VSTM1: variants seen among roughly 807,000 people sequenced by gnomAD.
The protein encoded by VSTM1 is V-set and transmembrane domain containing 1, also known as V-set and transmembrane domain-containing protein 1.
VSTM1 carries 27 observed loss-of-function variants against 33.1 expected under a neutral mutation model. The ratio of observed to expected loss-of-function variants is 0.82; its 90% CI spans 0.60 to 1.12. The LOEUF is 1.12. VSTM1 is among the 50% of genes most tolerant of loss of function. VSTM1 has a pLI of 0.00. For missense variants in VSTM1, 304 were observed against 288.9 expected, an observed-to-expected ratio of 1.05 and a Z score of -0.38; for synonymous variants, 115 against 110.3, an observed-to-expected ratio of 1.04 and a Z score of -0.27.
chr19:54,054,853 AT>A (rs1313582851), intron 3 of VSTM1, among the ~76,000 whole-genome samples: 1 of 41,688 alleles, frequency 2.4e-5, no homozygotes, highest in African/African-American at 4.7e-5. Context: ...AGATGAATGG[AT>A]GGATGGATGG....
At chr19:54,043,817 GGA>G (rs1167359305) in intron 4 of VSTM1, among the ~76,000 whole-genome samples, 2 of 151,962 alleles carry the variant, frequency 1.3e-5, no homozygotes, top group Non-Finnish European at 2.9e-5. Context: ...TTTTTTTAAA[GGA>G]GAGAGAGAGA....
rs2070319249 is a variant in VSTM1, at chr19:54,042,209, C to A, written c.488-13G>T. 6.2e-7 allele frequency: 1 copy of A among 1,613,908 alleles called. No individual in the cohort carries two copies. The highest frequency in any genetic ancestry group is 1.7e-5 in the Admixed American group (1 of 59,970). ...TCAGATGATGAACCTACAAAAAATGCAGGAGGAATTTACCTACCGAGAAAA... is the reference window on the plus strand; with the variant it reads ...TCAGATGATGAACCTACAAAAAATGAAGGAGGAATTTACCTACCGAGAAAA... On this transcript the variant is annotated splice_polypyrimidine_tract_variant and intron_variant, in intron 5 of 8. Transcript: ENST00000338372.
intron 2 of VSTM1, 51 bp downstream of exon 2, chr19:54,058,646 G>C (rs751883677): frequency 2.5e-6 from 4 of 1,613,706 alleles, no homozygotes; most frequent in Non-Finnish European, 2.5e-6. Flanking sequence ...AAAGGAAAAG[G>C]TCATGAAGCG....
At chr19:54,061,076 G>A (rs1465078573) in intron 1 of VSTM1, among the ~76,000 whole-genome samples, 1 of 148,016 alleles carries the variant, frequency 6.8e-6, no homozygotes, top group Non-Finnish European at 1.5e-5. Flanking sequence ...GGAGGGCAGC[G>A]GTGCTATCTT....
intron 4 of VSTM1, among the ~76,000 whole-genome samples, chr19:54,043,678 C>T (rs1249244375): frequency 6.6e-6 from 1 of 152,056 alleles, no homozygotes. Flanking sequence ...TCCCAAAGTG[C>T]TGGGATTACA....
At chr19:54,048,956 C>T (rs946127502) in intron 4 of VSTM1, among the ~76,000 whole-genome samples, 2 of 152,146 alleles carry the variant, frequency 1.3e-5, no homozygotes, top group African/African-American at 4.8e-5. Flanking sequence ...TGGTGACGGG[C>T]GCCTGTAGGT....
intron 4 of VSTM1, among the ~76,000 whole-genome samples, chr19:54,042,820 A>ATATATGTG (rs1555752517): frequency 1.3e-5 from 1 of 79,960 alleles, no homozygotes; most frequent in African/African-American, 5.4e-5. Context: ...ATATATATAT[A>ATATATGTG]TATATATATA....
chr19:54,059,343 G>A (rs2071273239), intron 1 of VSTM1, among the ~76,000 whole-genome samples: 1 of 152,006 alleles, frequency 6.6e-6, no homozygotes, highest in African/African-American at 2.4e-5. Context: ...TTACAGGCGT[G>A]AGCCACTGCC....
intron 1 of VSTM1, among the ~76,000 whole-genome samples, chr19:54,061,569 T>C (rs2071396864): frequency 6.6e-6 from 1 of 152,130 alleles, no homozygotes; most frequent in Admixed American, 6.6e-5. Flanking sequence ...TCATAGTGCT[T>C]TGGGATGCCA....
chr19:54,055,357 C>G lies in VSTM1; in HGVS notation c.355+2949G>C, dbSNP rs886150138. ...TGACACCGGGGAGGTCACCTAATCT[C>G]TATGAGCAAAAAGAAGTTAGTAACA... On this transcript the variant is annotated intron_variant, in intron 3 of 8. Transcript: ENST00000338372. The G allele has an allele frequency of 1.2e-4, 17 of 142,328 alleles. 3 individuals are homozygous for G. The highest frequency in any genetic ancestry group is 4.4e-4 in the African/African-American group (17 of 38,546). 8.8% of individuals were successfully genotyped at this position (142,328 alleles called of 1,614,324 possible). A position where few individuals can be genotyped will look rare whatever the true frequency, so the allele number is the denominator to read the frequency against.
intron 4 of VSTM1, among the ~76,000 whole-genome samples, chr19:54,047,736 G>A (rs964887807): frequency 1.3e-5 from 2 of 152,094 alleles, no homozygotes; most frequent in South Asian, 2.1e-4. Context: ...TCCAGCCTAC[G>A]GTATCTTTCA....
Position 54,058,361 on chromosome 19 carries a change from T to A in VSTM1, c.300A>T (p.Thr100=). ...TTTCTGACCACTCATGGGAGGCTGT[T>A]GTCTTGTAGGCACAAAAGTACCTCC... ...DAGRYFCAYK[T]TASHEWSESS... Residue 100 remains threonine, a synonymous_variant, in exon 3 of 9, where the codon ACA becomes ACT. Transcript: ENST00000338372. The A allele has an allele frequency of 6.2e-7, 1 of 1,614,186 alleles. No individual in the cohort carries two copies. Among genetic ancestry groups the A allele is most frequent in the Non-Finnish European group, 8.5e-7 (1 of 1,180,028 alleles).
At chr19:54,043,750 A>C (rs2070436583) in intron 4 of VSTM1, among the ~76,000 whole-genome samples, 1 of 151,854 alleles carries the variant, frequency 6.6e-6, no homozygotes. Flanking sequence ...TTTCTGGAAA[A>C]CCCTGGCTAA....
intron 8 of VSTM1, 65 bp from the exon 9 acceptor site, chr19:54,041,145 G>A: frequency 7.0e-7 from 1 of 1,437,116 alleles, no homozygotes; most frequent in Non-Finnish European, 9.2e-7. Context: ...GCCACACATG[G>A]CTATTGACAT....
chr19:54,046,073 TTACC>T (rs1406927335), intron 4 of VSTM1, among the ~76,000 whole-genome samples: 1 of 152,320 alleles, frequency 6.6e-6, no homozygotes, highest in Admixed American at 6.5e-5. Flanking sequence ...ATCTACCTAC[TTACC>T]TATCATCTGT....
chr19:54,063,802 G>A lies in VSTM1; in HGVS notation c.-25C>T. On this transcript the variant is annotated 5_prime_UTR_variant, in exon 1 of 9. Transcript: ENST00000338372. ...TAGCGTCCCTTCTGCCAGAACCAAGGCCCCGCCTTGGGTTTTACCCTTCAA... is the reference window on the plus strand; with the variant it reads ...TAGCGTCCCTTCTGCCAGAACCAAGACCCCGCCTTGGGTTTTACCCTTCAA... 6.2e-7 allele frequency: 1 copy of A among 1,613,196 alleles called. No individual in the cohort carries two copies. The highest frequency in any genetic ancestry group is 8.5e-7 in the Non-Finnish European group (1 of 1,179,710).
rs1600098252 is a variant in VSTM1 at position 54,040,924 on chromosome 19, G to A, written c.*37C>T. The A allele has an allele frequency of 4.4e-6, 7 of 1,601,974 alleles. No homozygotes were observed. Among genetic ancestry groups the A allele is most frequent in the Non-Finnish European group, 6.0e-6 (7 of 1,174,788 alleles). On this transcript the variant is annotated 3_prime_UTR_variant, in exon 9 of 9. Coordinates refer to ENST00000338372, the MANE Select transcript of VSTM1 (RefSeq NM_198481.4). ...GATTTCCGATAACCTTGGCCAGCAC[G>A]ATCCCCCCTCCTTTAGTGGCCAGGG...
intron 3 of VSTM1, among the ~76,000 whole-genome samples, chr19:54,056,626 C>T (rs140016052): frequency 4.3e-5 from 6 of 140,474 alleles, no homozygotes; most frequent in African/African-American, 1.1e-4. Context: ...ACATACTCCC[C>T]CCAGTATAGC....
chr19:54,044,405 A>T (rs1157111999), intron 4 of VSTM1, among the ~76,000 whole-genome samples: 1 of 152,022 alleles, frequency 6.6e-6, no homozygotes, highest in East Asian at 1.9e-4. Context: ...CTGAAAATAT[A>T]AAAAATAAGC....
Sources: allele counts gnomAD v4.1 joint callset (sites outside exome capture counted in the v4.1 genomes callset), GRCh38; gene constraint gnomAD v4.1.1; transcripts MANE v1.5; gene names NCBI Gene and HGNC (gene_info 2026-07-23, HGNC 2026-07-21).